The following IFI27 variants were observed in gnomAD, a reference collection of about 807,000 sequenced individuals.
IFI27 encodes the protein interferon alpha inducible protein 27, also known as interferon alpha-inducible protein 27, mitochondrial.
Under a neutral mutation model 8.9 loss-of-function variants are expected in IFI27, and 3 were observed. That is an observed-to-expected ratio of 0.34 (90% CI 0.15 to 0.87). IFI27 has a LOEUF of 0.87. Among genes scored for constraint, IFI27 ranks in the 40% least tolerant of loss-of-function variants. IFI27 has a pLI of 0.51. For synonymous variants in IFI27, 66 were observed against 67.3 expected, an observed-to-expected ratio of 0.98 and a Z score of 0.09; for missense variants, 152 against 157.7, an observed-to-expected ratio of 0.96 and a Z score of 0.19.
chr14:94,106,192 G>A (rs1254889121), upstream of IFI27, among the ~76,000 whole-genome samples: 3 of 152,106 alleles, frequency 2.0e-5, no homozygotes, highest in Non-Finnish European at 4.4e-5. Context: ...ATTCATTAGG[G>A]CTCTGCTCTC....
At chr14:94,114,070 C>G (rs1887295186) in intron 2 of IFI27, 1 of 152,404 alleles carries the variant, frequency 6.6e-6, no homozygotes, top group Admixed American at 6.5e-5. Flanking sequence ...CATGGAGGAG[C>G]AAGGATGAGT....
At position 94,116,591 on chromosome 14, in the gene IFI27, G is replaced by GCTGGCTCC; in HGVS notation, c.*64_*65insCTGGCTCC. 2 of 1,295,782 alleles carry GCTGGCTCC rather than the reference G, an allele frequency of 1.5e-6. No individual in the cohort carries two copies. Among genetic ancestry groups the GCTGGCTCC allele is most frequent in the Non-Finnish European group, 2.2e-6 (2 of 907,394 alleles). 80.3% of individuals were successfully genotyped at this position (1,295,782 alleles called of 1,614,324 possible). On this transcript the variant is annotated 3_prime_UTR_variant, in exon 5 of 5. Coordinates refer to ENST00000621160, the Ensembl canonical transcript of IFI27. The surrounding 1 kb of genome is among the most constrained non-coding windows in gnomAD (Gnocchi z 4.3). Reference sequence around the variant, plus strand: ...AGGGGAGAAGGCACCCAGCCATCCTGACCCAGCGAGGAGCCAACTATCCCA... The same window carrying GCTGGCTCC: ...AGGGGAGAAGGCACCCAGCCATCCTGCTGGCTCCACCCAGCGAGGAGCCAACTATCCCA...
intron 2 of IFI27, chr14:94,114,387 T>G (rs1443789432): frequency 5.8e-6 from 1 of 171,854 alleles, no homozygotes; most frequent in East Asian, 1.6e-4. Flanking sequence ...ATGACACCCA[T>G]CCTGTTCACT....
chr14:94,111,774 G>A lies in IFI27; in HGVS notation c.91+1G>A. 1 of 1,612,630 alleles carries A rather than the reference G, an allele frequency of 6.2e-7. No individual in the cohort carries two copies. Among genetic ancestry groups the A allele is most frequent in the Non-Finnish European group, 8.5e-7 (1 of 1,178,600 alleles). ...GGCTCTGCCGTAGTTTTGCCCCTGG[G>A]TGAGTGTTCCTGGGAGGGGCTGGTG... On this transcript the variant is annotated splice_donor_variant, in intron 2 of 4. Coordinates refer to ENST00000621160, the Ensembl canonical transcript of IFI27. LOFTEE classifies it high-confidence loss of function. This position sits in a 1 kb window ranked among gnomAD's most constrained non-coding sequence, Gnocchi z 4.3.
exon 4 of IFI27, chr14:94,115,891 A>G: frequency 1.3e-6 from 2 of 1,598,380 alleles, no homozygotes; most frequent in Non-Finnish European, 1.7e-6. Flanking sequence ...GGCCATTGCC[A>G]ATGGGGGTGG....
chr14:94,110,375 C>T (rs1887130935), upstream of IFI27, among the ~76,000 whole-genome samples: 1 of 152,208 alleles, frequency 6.6e-6, no homozygotes, highest in South Asian at 2.1e-4. Context: ...AACGGAACAT[C>T]TGCCTATCGC....
chr14:94,107,546 T>G (rs1272350018), upstream of IFI27, among the ~76,000 whole-genome samples: 1 of 152,344 alleles, frequency 6.6e-6, no homozygotes, highest in Admixed American at 6.5e-5. Context: ...TAGTTCTCCA[T>G]GCCCTTTTAA....
At chr14:94,107,091 T>A (rs552224008), upstream of IFI27, among the ~76,000 whole-genome samples, 1 of 152,052 alleles carries the variant, frequency 6.6e-6, no homozygotes, top group Non-Finnish European at 1.5e-5. Context: ...TTATTTCAGA[T>A]GGTGTTTCAC....
In IFI27 at chr14:94,116,263, C is replaced by A; in HGVS notation, c.284-179C>A. ...AGTTCACCATGGGGGTTCATGCCTG[C>A]AGCAGCCTCTCCCCAAACAAAGACC... On this transcript the variant is annotated intron_variant, in intron 4 of 4. Coordinates refer to ENST00000621160, the Ensembl canonical transcript of IFI27. This position sits in a 1 kb window ranked among gnomAD's most constrained non-coding sequence, Gnocchi z 4.3. The A allele has an allele frequency of 1.6e-6, 1 of 644,844 alleles. No individual in the cohort carries two copies. Among genetic ancestry groups the A allele is most frequent in the Non-Finnish European group, 2.8e-6 (1 of 359,212 alleles). 39.9% of individuals were successfully genotyped at this position (644,844 alleles called of 1,614,324 possible). A position where few individuals can be genotyped will look rare whatever the true frequency, so the allele number is the denominator to read the frequency against.
rs1887185573 is a variant in IFI27 at position 94,111,577 on chromosome 14, G to A, written c.-58-48G>A. 2 of 882,382 alleles carry A rather than the reference G, an allele frequency of 2.3e-6. No homozygotes were observed. Among genetic ancestry groups the A allele is most frequent in the East Asian group, 5.0e-5 (2 of 39,640 alleles). The allele number at this position is 882,382 out of a possible 1,614,324, so 54.7% of individuals were successfully genotyped here. Reference sequence around the variant, plus strand: ...CATTTTTCAGGACAGTGGGAAGCAAGTCAGGTTGTGTGCCCATCCCGTCCT... The same window carrying A: ...CATTTTTCAGGACAGTGGGAAGCAAATCAGGTTGTGTGCCCATCCCGTCCT... On this transcript the variant is annotated intron_variant, in intron 1 of 4. Transcript: ENST00000621160. The surrounding 1 kb of genome is among the most constrained non-coding windows in gnomAD (Gnocchi z 4.3).
At chr14:94,114,922 A>C (rs779449888) in intron 3 of IFI27, 42 bp downstream of exon 3, 2 of 1,582,686 alleles carry the variant, frequency 1.3e-6, no homozygotes, top group Non-Finnish European at 1.7e-6. Flanking sequence ...ACCTGCCCCT[A>C]GGGAGGTGGA....
upstream of IFI27, among the ~76,000 whole-genome samples, chr14:94,108,016 G>T (rs1887036248): frequency 6.6e-6 from 1 of 152,142 alleles, no homozygotes; most frequent in Non-Finnish European, 1.5e-5. Flanking sequence ...CAGGCCAAGT[G>T]TGTGATGTTC....
At position 94,114,410 on chromosome 14, in the gene IFI27, G is replaced by C. The variant is rs545428565; in HGVS notation, c.92-441G>C. On this transcript the variant is annotated intron_variant, in intron 2 of 4. Transcript: ENST00000621160. ...CATCCTGTTCACTTTTCCCTGCCCC[G>C]GTCAAACCACCAAGCCCTAGATTTC... 4.6e-5 allele frequency: 8 copies of C among 175,672 alleles called. No individual in the cohort carries two copies. The South Asian group carries it at 1.2e-3, about 27-fold the overall frequency. 10.9% of individuals were successfully genotyped at this position (175,672 alleles called of 1,614,324 possible). A position where few individuals can be genotyped will look rare whatever the true frequency, so the allele number is the denominator to read the frequency against.
chr14:94,112,001 C>T, intron 2 of IFI27: 1 of 597,786 alleles, frequency 1.7e-6, no homozygotes, highest in South Asian at 2.0e-5. Context: ...AGGTCCTCTC[C>T]CCTCTGGGCC....
chr14:94,116,225 C>A lies in IFI27; in HGVS notation c.284-217C>A. 2 of 659,636 alleles carry A rather than the reference C, an allele frequency of 3.0e-6. No homozygotes were observed. Among genetic ancestry groups the A allele is most frequent in the Non-Finnish European group, 2.7e-6 (1 of 364,918 alleles). The allele number at this position is 659,636 out of a possible 1,614,324, so 40.9% of individuals were successfully genotyped here. A position where few individuals can be genotyped will look rare whatever the true frequency, so the allele number is the denominator to read the frequency against. On this transcript the variant is annotated intron_variant, in intron 4 of 4. Transcript: ENST00000621160. The surrounding 1 kb of genome is among the most constrained non-coding windows in gnomAD (Gnocchi z 4.3). ...CCTCCTTCCCTGAAGAGCGAGGCTG[C>A]TTCTAGCTCTGGAGTTCACCATGGG...
At position 94,111,729 on chromosome 14, in the gene IFI27, A is replaced by G; in HGVS notation, c.47A>G (p.Lys16Arg). Reference sequence around the variant, plus strand: ...TCATCAGCAGTGACCAGTGTGGCCAAAGTGGTCAGGGTGGCCTCTGGCTCT... The same window carrying G: ...TCATCAGCAGTGACCAGTGTGGCCAGAGTGGTCAGGGTGGCCTCTGGCTCT... Residue 16 changes from lysine (K) to arginine (R), a missense_variant, in exon 2 of 5, where the codon AAA (lysine) becomes AGA (arginine). Physicochemically the swap from Lys to Arg is conservative, Grantham distance 26 (BLOSUM62 2). Transcript: ENST00000621160. The surrounding 1 kb of genome is among the most constrained non-coding windows in gnomAD (Gnocchi z 4.3). 1.2e-6 allele frequency: 2 copies of G among 1,614,128 alleles called. No individual in the cohort carries two copies. The highest frequency in any genetic ancestry group is 1.7e-6 in the Non-Finnish European group (2 of 1,179,936).
rs772187601 is a variant in IFI27 at position 94,111,726 on chromosome 14, C to T, written c.44C>T (p.Ala15Val). 16 of 1,614,226 alleles carry T rather than the reference C, an allele frequency of 9.9e-6. No individual in the cohort carries two copies. Among genetic ancestry groups the T allele is most frequent in the Non-Finnish European group, 1.4e-5 (16 of 1,180,024 alleles). ...ACCTCATCAGCAGTGACCAGTGTGG[C>T]CAAAGTGGTCAGGGTGGCCTCTGGC... Residue 15 changes from alanine to valine, a missense_variant, in exon 2 of 5, where the codon GCC becomes GTC. Transcript: ENST00000621160. This position sits in a 1 kb window ranked among gnomAD's most constrained non-coding sequence, Gnocchi z 4.3.
intron 2 of IFI27, chr14:94,112,030 G>A (rs527985978): frequency 1.7e-6 from 1 of 577,454 alleles, no homozygotes; most frequent in African/African-American, 1.9e-5. Context: ...CTCCTGCCTA[G>A]CCGGAAAGGG....
chr14:94,110,056 C>T (rs932991624), upstream of IFI27, among the ~76,000 whole-genome samples: 16 of 152,214 alleles, frequency 1.1e-4, no homozygotes, highest in Non-Finnish European at 2.2e-4. Context: ...GCCTCTCTCC[C>T]CTGCCCACCT....
Sources: allele counts gnomAD v4.1 joint callset (sites outside exome capture counted in the v4.1 genomes callset), GRCh38; gene constraint gnomAD v4.1.1; non-coding constraint Gnocchi (gnomAD v3.1); transcripts MANE v1.5; gene names NCBI Gene and HGNC (gene_info 2026-07-23, HGNC 2026-07-21).